ACTN4: variants seen among roughly 807,000 people sequenced by gnomAD.
The protein encoded by ACTN4 is actinin alpha 4.
Under a neutral mutation model 114.2 loss-of-function variants are expected in ACTN4, and 18 were observed. That is an observed-to-expected ratio of 0.16 (90% CI 0.11 to 0.23). ACTN4 has a LOEUF of 0.23. Among genes scored for constraint, ACTN4 ranks in the 10% least tolerant of loss-of-function variants. The probability of loss-of-function intolerance (pLI) is 1.00; values close to 1 mark genes in which losing one functional copy is unlikely to be tolerated. For missense variants in ACTN4, 722 were observed against 1,262.9 expected (o/e 0.57, Z 6.49); for synonymous variants, 515 against 506.3 (o/e 1.02, Z -0.23).
intron 1 of ACTN4, among the ~76,000 whole-genome samples, chr19:38,694,124 C>G (rs750429179): frequency 6.6e-6 from 1 of 152,188 alleles, no homozygotes; most frequent in Non-Finnish European, 1.5e-5. Context: ...AGGCTGCCTT[C>G]ACAGGAGGGC....
At chr19:38,709,257 C>T (rs1197391856) in intron 6 of ACTN4, 138 bp from the exon 7 acceptor site, 1 of 746,966 alleles carries the variant, frequency 1.3e-6, no homozygotes, top group Non-Finnish European at 2.5e-6. Flanking sequence ...TCACACATCA[C>T]ACGTGGCTGA....
chr19:38,690,013 A>G (rs1599803100), intron 1 of ACTN4, among the ~76,000 whole-genome samples: 1 of 152,218 alleles, frequency 6.6e-6, no homozygotes, highest in Non-Finnish European at 1.5e-5. Flanking sequence ...TCAGGCAGTA[A>G]AGAGGGCTCA....
intron 5 of ACTN4, among the ~76,000 whole-genome samples, chr19:38,707,250 TAGTA>T (rs1968492798): frequency 6.6e-6 from 1 of 151,838 alleles, no homozygotes; most frequent in African/African-American, 2.4e-5. Context: ...TTTCTTCAAC[TAGTA>T]AGTATCTAGC....
intron 1 of ACTN4, among the ~76,000 whole-genome samples, chr19:38,692,989 G>A (rs998230195): frequency 7.2e-5 from 11 of 152,156 alleles, no homozygotes; most frequent in African/African-American, 2.4e-4. Flanking sequence ...TCTGGCCTCC[G>A]GGTACCTGGG....
chr19:38,682,391 C>T (rs1379601272), intron 1 of ACTN4, among the ~76,000 whole-genome samples: 1 of 151,900 alleles, frequency 6.6e-6, no homozygotes, highest in African/African-American at 2.4e-5. Flanking sequence ...CACTATGTTG[C>T]CCAGGCTGGA....
intron 1 of ACTN4, among the ~76,000 whole-genome samples, chr19:38,668,458 C>T (rs1967030188): frequency 6.6e-6 from 1 of 152,228 alleles, no homozygotes; most frequent in East Asian, 1.9e-4. Flanking sequence ...GAGGCCAAGG[C>T]GCACAGATCA....
chr19:38,662,485 T>C (rs1976918090), intron 1 of ACTN4, among the ~76,000 whole-genome samples: 1 of 152,226 alleles, frequency 6.6e-6, no homozygotes, highest in Non-Finnish European at 1.5e-5. Flanking sequence ...GGAAAGAAGA[T>C]GGCGAGGTTT....
Position 38,727,854 on chromosome 19 carries a change from C to T in ACTN4, c.2338-92C>T, listed in dbSNP as rs1969294085. 2 of 1,222,388 alleles carry T rather than the reference C, an allele frequency of 1.6e-6. No individual in the cohort carries two copies. The highest frequency in any genetic ancestry group is 2.4e-6 in the Non-Finnish European group (2 of 843,366). The allele number at this position is 1,222,388 out of a possible 1,614,324, so 75.7% of individuals were successfully genotyped here. ...TCTGTGTTTCCCTCCCCTACGTGTC[C>T]CTTCCCCCTGCCCTCTGCATGTGAC... On this transcript the variant is annotated intron_variant, in intron 18 of 20. Coordinates refer to ENST00000252699, the MANE Select transcript of ACTN4 (RefSeq NM_004924.6). The surrounding 1 kb of genome is among the most constrained non-coding windows in gnomAD (Gnocchi z 5.4).
chr19:38,686,315 T>C (rs1196972504), intron 1 of ACTN4, among the ~76,000 whole-genome samples: 1 of 152,244 alleles, frequency 6.6e-6, no homozygotes, highest in Non-Finnish European at 1.5e-5. Flanking sequence ...AGGCCAGAAT[T>C]GGCTTACTTG....
chr19:38,718,191 G>A, intron 11 of ACTN4, 117 bp downstream of exon 11: 4 of 1,517,184 alleles, frequency 2.6e-6, no homozygotes, highest in Non-Finnish European at 3.6e-6. Context: ...TGTTTCTCAG[G>A]TGCCCTTTCT....
intron 11 of ACTN4, among the ~76,000 whole-genome samples, chr19:38,720,321 A>G (rs1564203): frequency 0.68 from 103,997 of 152,080 alleles, 36,374 homozygotes; most frequent in South Asian, 0.84. Flanking sequence ...TAGCTGTGGC[A>G]ATGGTCCGCT....
In ACTN4 at chr19:38,659,443, A is replaced by G. The variant is rs187754670; in HGVS notation, c.162+11536A>G. Among the ~76,000 whole-genome samples, 3 of 152,260 alleles carry G rather than the reference A, an allele frequency of 2.0e-5. No individual in the cohort carries two copies. In the East Asian group the frequency reaches 5.8e-4, roughly 29 times the overall value. The stretch of plus-strand genomic sequence containing the variant: ...AGAGCTGTGAGCCAATTGAGGGATG[A>G]TTGGTTAATAGATTGTGGCTTGAAG... On this transcript the variant is annotated intron_variant, in intron 1 of 20. Transcript: ENST00000252699.
At chr19:38,676,097 T>G (rs1168443350) in intron 1 of ACTN4, among the ~76,000 whole-genome samples, 3 of 152,210 alleles carry the variant, frequency 2.0e-5, no homozygotes, top group Non-Finnish European at 4.4e-5. Context: ...GGTCTTGTTC[T>G]GTGGGATCTG....
At chr19:38,690,781 A>T (rs1442227950) in intron 1 of ACTN4, among the ~76,000 whole-genome samples, 1 of 152,260 alleles carries the variant, frequency 6.6e-6, no homozygotes, top group Admixed American at 6.5e-5. Flanking sequence ...TCTTGTGAAT[A>T]TACTAAAACT....
chr19:38,649,006 G>A lies in ACTN4; in HGVS notation c.162+1099G>A, dbSNP rs532479144. On this transcript the variant is annotated intron_variant, in intron 1 of 20. Transcript: ENST00000252699. ...AAAGGAATTTGAGGAGGGGGTGCTG[G>A]CTCCTGGAGGTGCAGTCCCGGGACT... Among the ~76,000 whole-genome samples, 6 of 151,910 alleles carry A rather than the reference G, an allele frequency of 3.9e-5. No homozygotes were observed. The East Asian group carries it at 7.8e-4, about 20-fold the overall frequency.
In ACTN4 at chr19:38,714,459, T is replaced by C. The variant is rs751320201; in HGVS notation, c.820-10T>C. The C allele has an allele frequency of 1.2e-6, 2 of 1,613,260 alleles. No individual in the cohort carries two copies. Among genetic ancestry groups the C allele is most frequent in the Admixed American group, 3.3e-5 (2 of 60,002 alleles). ...CCCCCAGGCAGCCCTGACTGTGTGCTCCCCTCCAGGCTGAAACTGCCGCCA... is the reference window on the plus strand; with the variant it reads ...CCCCCAGGCAGCCCTGACTGTGTGCCCCCCTCCAGGCTGAAACTGCCGCCA... On this transcript the variant is annotated splice_polypyrimidine_tract_variant and intron_variant, in intron 8 of 20. Transcript: ENST00000252699.
chr19:38,656,870 G>A (rs75403087), intron 1 of ACTN4, among the ~76,000 whole-genome samples: 8,177 of 152,204 alleles, frequency 0.054, 318 homozygotes, highest in Non-Finnish European at 0.085. Context: ...GATGTCTTTT[G>A]AGAGTGGGTG....
Position 38,729,299 on chromosome 19 carries a change from G to A in ACTN4, c.2603G>A (p.Arg868Gln), listed in dbSNP as rs369988035. ...AACTTCATCACAGCTGAGGAGCTGC[G>A]GAGAGAGCTGCCCCCCGACCAGGCC... ...DKNFITAEEL[R>Q]RELPPDQAEY... Residue 868 changes from arginine to glutamine, a missense_variant, in exon 21 of 21, where the codon CGG (arginine) becomes CAG (glutamine). This residue lies in a region of ACTN4 where 523 missense variants were observed against 875.9 expected (regional missense o/e 0.60). Coordinates refer to ENST00000252699, the MANE Select transcript of ACTN4 (RefSeq NM_004924.6). The A allele has an allele frequency of 1.9e-5, 31 of 1,612,708 alleles. No homozygotes were observed. The highest frequency in any genetic ancestry group is 4.4e-5 in the South Asian group (4 of 91,088).
chr19:38,692,312 T>G (rs1346857233), intron 1 of ACTN4, among the ~76,000 whole-genome samples: 1 of 152,274 alleles, frequency 6.6e-6, no homozygotes, highest in Non-Finnish European at 1.5e-5. Flanking sequence ...GCCGCAGTGC[T>G]AGCCCTGATT....
Sources: gnomAD v4.1 joint callset for allele counts (sites outside exome capture counted in the v4.1 genomes callset) on GRCh38, gnomAD v4.1.1 for gene constraint, gnomAD v4.1.1 regional missense constraint, Gnocchi (gnomAD v3.1) non-coding constraint, MANE v1.5 for transcripts, NCBI Gene and HGNC (gene_info 2026-07-23, HGNC 2026-07-21) for gene names.